DACH1: variants seen among roughly 807,000 people sequenced by gnomAD.
DACH1 encodes dachshund homolog 1.
Under a neutral mutation model 54.2 loss-of-function variants are expected in DACH1, and 12 were observed. The observed-to-expected ratio is 0.22, with a 90% CI of 0.14 to 0.36. The LOEUF (loss-of-function observed/expected upper bound fraction) is 0.36, where lower values mean the gene tolerates loss of function less well. Ranked by LOEUF, DACH1 falls within the 10% of genes least tolerant of loss-of-function variation. The pLI, the probability that DACH1 is intolerant of heterozygous loss-of-function variation, is 1.00. For missense variants in DACH1, 805 were observed against 929.8 expected, an observed-to-expected ratio of 0.87 and a Z score of 1.75; for synonymous variants, 386 against 366.2, an observed-to-expected ratio of 1.05 and a Z score of -0.62.
chr13:71,700,096 T>C (rs1159588667), intron 1 of DACH1, among the ~76,000 whole-genome samples: 1 of 152,032 alleles, frequency 6.6e-6, no homozygotes, highest in Non-Finnish European at 1.5e-5. Context: ...CGTGCATGCA[T>C]GTGCACACAC....
rs1873832723 is a variant in DACH1 at position 71,439,653 on chromosome 13, C to A, written c.*1002G>T. 6.6e-6 allele frequency: 1 copy of A among 152,418 alleles called. No homozygotes were observed. The highest frequency in any genetic ancestry group is 2.1e-4 in the South Asian group (1 of 4,830). 9.4% of individuals were successfully genotyped at this position (152,418 alleles called of 1,614,324 possible). A position where few individuals can be genotyped will look rare whatever the true frequency, so the allele number is the denominator to read the frequency against. Reference sequence around the variant, plus strand: ...TGGCTGACACAGAGTTCTGATGTCACCAGATGCTTAAGATCTCATTCATTA... The same window carrying A: ...TGGCTGACACAGAGTTCTGATGTCAACAGATGCTTAAGATCTCATTCATTA... On this transcript the variant is annotated 3_prime_UTR_variant, in exon 11 of 11. Transcript: ENST00000613252.
chr13:71,688,746 C>G (rs889972102), intron 1 of DACH1, among the ~76,000 whole-genome samples: 3 of 152,210 alleles, frequency 2.0e-5, no homozygotes, highest in African/African-American at 7.2e-5. Context: ...ACTCTCTCAA[C>G]TATTAACATG....
intron 2 of DACH1, among the ~76,000 whole-genome samples, chr13:71,650,220 A>G (rs1313689367): frequency 1.3e-5 from 2 of 152,208 alleles, no homozygotes; most frequent in Non-Finnish European, 2.9e-5. Context: ...AAATCAATCA[A>G]TACATATCAA....
intron 6 of DACH1, among the ~76,000 whole-genome samples, chr13:71,498,657 G>GAAA (rs57093938): frequency 8.7e-5 from 2 of 23,070 alleles, no homozygotes; most frequent in Admixed American, 5.8e-4. Flanking sequence ...GGGGAAAGAA[G>GAAA]AAAAAAAAAA....
chr13:71,457,105 T>C (rs1281417094), intron 10 of DACH1, among the ~76,000 whole-genome samples: 1 of 152,022 alleles, frequency 6.6e-6, no homozygotes, highest in Admixed American at 6.6e-5. Flanking sequence ...TTCCCCTTCA[T>C]CAAAATAAGA....
chr13:71,656,117 CT>C (rs528482060), intron 2 of DACH1, among the ~76,000 whole-genome samples: 1 of 151,864 alleles, frequency 6.6e-6, no homozygotes, highest in Non-Finnish European at 1.5e-5. Context: ...GGTCTTGCGT[CT>C]TTTTTTTCCT....
At chr13:71,821,439 A>G (rs1167597996) in intron 1 of DACH1, among the ~76,000 whole-genome samples, 5 of 149,854 alleles carry the variant, frequency 3.3e-5, no homozygotes, top group African/African-American at 1.3e-4. Flanking sequence ...ATTTAAATTT[A>G]AATTTAAATT....
chr13:71,806,401 C>T lies in DACH1; in HGVS notation c.848+59521G>A, dbSNP rs113502172. 6.7e-3 allele frequency among the ~76,000 whole-genome samples: 1,020 copies of T among 152,210 alleles called. 9 individuals carry two copies. Among genetic ancestry groups the T allele is most frequent in the African/African-American group, 0.021 (885 of 41,538 alleles). ...AATGTTATACCCTGGGAAAATGGAA[C>T]TTGTCACAAAATTAACTTAGAATGT... On this transcript the variant is annotated intron_variant, in intron 1 of 10. Coordinates refer to ENST00000613252, the MANE Select transcript of DACH1 (RefSeq NM_080759.6).
rs181775508 is a variant in DACH1 at position 71,506,326 on chromosome 13, C to T, written c.1571-17178G>A. On this transcript the variant is annotated intron_variant, in intron 6 of 10. Coordinates refer to ENST00000613252, the MANE Select transcript of DACH1 (RefSeq NM_080759.6). ...AACAGTCCCCAGAGTGTGATATTCC[C>T]CTTCCTGTGTCCATGTGATCTCATT... 2.1e-3 allele frequency among the ~76,000 whole-genome samples: 292 copies of T among 139,858 alleles called. 1 individual carries two copies. The highest frequency in any genetic ancestry group is 3.2e-3 in the Admixed American group (41 of 12,948). The allele number at this position is 139,858 out of a possible 152,430, so 91.8% of individuals were successfully genotyped here.
intron 3 of DACH1, among the ~76,000 whole-genome samples, chr13:71,618,732 C>A (rs930530292): frequency 2.0e-5 from 3 of 151,656 alleles, no homozygotes; most frequent in African/African-American, 7.3e-5. Context: ...AAAGCCTACT[C>A]AAGTATAATT....
At chr13:71,667,278 A>G (rs2138667682) in intron 2 of DACH1, among the ~76,000 whole-genome samples, 1 of 152,288 alleles carries the variant, frequency 6.6e-6, no homozygotes, top group South Asian at 2.1e-4. Context: ...ATATTAATGC[A>G]TAGAAACTCC....
chr13:71,749,777 C>T (rs900990987), intron 1 of DACH1, among the ~76,000 whole-genome samples: 8 of 152,064 alleles, frequency 5.3e-5, no homozygotes, highest in Admixed American at 6.5e-5. Flanking sequence ...ACACGAGTTC[C>T]GTAACCGTCA....
chr13:71,458,287 T>C (rs1468027188), intron 10 of DACH1, among the ~76,000 whole-genome samples: 1 of 151,870 alleles, frequency 6.6e-6, no homozygotes, highest in Non-Finnish European at 1.5e-5. Flanking sequence ...TATTTATTTA[T>C]TTCCTGTTTG....
intron 1 of DACH1, among the ~76,000 whole-genome samples, chr13:71,852,703 G>C (rs970392941): frequency 2.0e-5 from 3 of 152,092 alleles, no homozygotes; most frequent in Non-Finnish European, 4.4e-5. Context: ...AGTTCAATTT[G>C]TTTTGCATAC....
intron 7 of DACH1, among the ~76,000 whole-genome samples, chr13:71,482,804 T>G (rs1315563469): frequency 8.8e-5 from 13 of 148,166 alleles, no homozygotes; most frequent in Middle Eastern, 3.4e-3. Context: ...TTTTTTTTTT[T>G]TTTTTTTTTT....
At chr13:71,817,814 CTTTT>C (rs34031888) in intron 1 of DACH1, among the ~76,000 whole-genome samples, 2 of 119,080 alleles carry the variant, frequency 1.7e-5, no homozygotes, top group Non-Finnish European at 3.3e-5. Context: ...TTCTTTCTTC[CTTTT>C]TTTTTTTTTT....
chr13:71,863,404 A>G (rs1483804414), intron 1 of DACH1, among the ~76,000 whole-genome samples: 1 of 152,202 alleles, frequency 6.6e-6, no homozygotes, highest in Non-Finnish European at 1.5e-5. Flanking sequence ...ATCAAATACA[A>G]TACTAAATCA....
At chr13:71,858,295 C>T (rs540921948) in intron 1 of DACH1, among the ~76,000 whole-genome samples, 13 of 151,708 alleles carry the variant, frequency 8.6e-5, no homozygotes, top group African/African-American at 2.9e-4. Flanking sequence ...ACACTTGATA[C>T]CATACAAATT....
At chr13:71,484,938 GCTACTCCCAGCTA>G (rs1165564527) in intron 7 of DACH1, among the ~76,000 whole-genome samples, 1 of 151,808 alleles carries the variant, frequency 6.6e-6, no homozygotes, top group Non-Finnish European at 1.5e-5. Context: ...GTGGTGGGAG[GCTACTCCCAGCTA>G]CTCAGGAGGC....
Sources: allele counts gnomAD v4.1 joint callset (sites outside exome capture counted in the v4.1 genomes callset), GRCh38; gene constraint gnomAD v4.1.1; transcripts MANE v1.5; gene names NCBI Gene and HGNC (gene_info 2026-07-23, HGNC 2026-07-21).